GPC6: variants seen among roughly 807,000 people sequenced by gnomAD.
GPC6 encodes glypican 6, also known as glypican-6.
GPC6 carries 14 observed loss-of-function variants against 55.2 expected under a neutral mutation model. The ratio of observed to expected loss-of-function variants is 0.25; its 90% CI spans 0.17 to 0.40. The LOEUF (loss-of-function observed/expected upper bound fraction) is 0.40, where lower values mean the gene tolerates loss of function less well. Ranked by LOEUF, GPC6 falls within the 10% of genes least tolerant of loss-of-function variation. The pLI is 1.00. For synonymous variants in GPC6, 278 were observed against 259.6 expected (o/e 1.07, Z -0.68); for missense variants, 641 against 708.5 (o/e 0.90, Z 1.08).
intron 1 of GPC6, among the ~76,000 whole-genome samples, chr13:93,261,585 A>G (rs1249412013): frequency 6.6e-6 from 1 of 152,238 alleles, no homozygotes; most frequent in African/African-American, 2.4e-5. Flanking sequence ...TTTGCATGGA[A>G]TAAAAGAGAA....
At chr13:93,609,865 C>T (rs1878393322) in intron 2 of GPC6, among the ~76,000 whole-genome samples, 1 of 152,092 alleles carries the variant, frequency 6.6e-6, no homozygotes, top group Non-Finnish European at 1.5e-5. Context: ...TCTTTTTGTA[C>T]CCACTCACAA....
At chr13:94,240,040 T>C (rs867476911) in intron 4 of GPC6, among the ~76,000 whole-genome samples, 17 of 152,216 alleles carry the variant, frequency 1.1e-4, no homozygotes, top group Middle Eastern at 3.4e-3. Flanking sequence ...ACTCTAGGTA[T>C]TTGAGGGTGT....
chr13:94,049,833 A>G (rs531535630), intron 4 of GPC6, among the ~76,000 whole-genome samples: 1 of 152,148 alleles, frequency 6.6e-6, no homozygotes, highest in Non-Finnish European at 1.5e-5. Flanking sequence ...ATCTTCAACT[A>G]TAGTTCCCAT....
chr13:94,205,455 C>T (rs1054523102), intron 4 of GPC6, among the ~76,000 whole-genome samples: 1 of 152,178 alleles, frequency 6.6e-6, no homozygotes, highest in African/African-American at 2.4e-5. Context: ...GAAGCAAAAA[C>T]ACCAAGAGGC....
chr13:93,476,215 C>T (rs917780812), intron 1 of GPC6, among the ~76,000 whole-genome samples: 1 of 152,094 alleles, frequency 6.6e-6, no homozygotes, highest in African/African-American at 2.4e-5. Flanking sequence ...TCCCTCTGAA[C>T]ATTTTTATTC....
chr13:94,097,973 C>CA (rs1484794299), intron 4 of GPC6, among the ~76,000 whole-genome samples: 3 of 152,144 alleles, frequency 2.0e-5, no homozygotes, highest in South Asian at 2.1e-4. Context: ...TGCTCTCATT[C>CA]AAAAAACACT....
chr13:94,143,249 G>A (rs1343742787), intron 4 of GPC6, among the ~76,000 whole-genome samples: 1 of 152,052 alleles, frequency 6.6e-6, no homozygotes, highest in Non-Finnish European at 1.5e-5. Flanking sequence ...GTACTTTGTA[G>A]GAAGTTTAGC....
Position 93,329,302 on chromosome 13 carries a change from G to C in GPC6, c.160+101686G>C, listed in dbSNP as rs376448656. Among the ~76,000 whole-genome samples the C allele has an allele frequency of 2.6e-5, 4 of 152,144 alleles. No individual in the cohort carries two copies. The East Asian group carries it at 7.7e-4, about 29-fold the overall frequency. ...CAAACAAAATAATTTATGGCATTTA[G>C]GCAACAGCTTGTAAAAGCCAGTGAA... On this transcript the variant is annotated intron_variant, in intron 1 of 8. Transcript: ENST00000377047.
chr13:94,147,934 T>G (rs998923791), intron 4 of GPC6, among the ~76,000 whole-genome samples: 6 of 152,202 alleles, frequency 3.9e-5, no homozygotes, highest in African/African-American at 1.4e-4. Flanking sequence ...CAGTTTGATG[T>G]AAAGTTATTT....
At chr13:94,283,986 T>C (rs1892458587) in intron 4 of GPC6, among the ~76,000 whole-genome samples, 1 of 152,214 alleles carries the variant, frequency 6.6e-6, no homozygotes, top group South Asian at 2.1e-4. Context: ...TATTTTGTGT[T>C]TTCTTCACTT....
At chr13:93,699,485 A>T (rs1167545032) in intron 2 of GPC6, among the ~76,000 whole-genome samples, 1 of 152,134 alleles carries the variant, frequency 6.6e-6, no homozygotes, top group African/African-American at 2.4e-5. Flanking sequence ...GTGGTCAGTC[A>T]TACACAGAAT....
chr13:94,168,216 C>T (rs1013257065), intron 4 of GPC6, among the ~76,000 whole-genome samples: 2 of 152,186 alleles, frequency 1.3e-5, no homozygotes, highest in Non-Finnish European at 2.9e-5. Flanking sequence ...TCTATGACAA[C>T]GTCATTCTTG....
At chr13:93,893,750 G>C (rs899372535) in intron 3 of GPC6, among the ~76,000 whole-genome samples, 5 of 152,114 alleles carry the variant, frequency 3.3e-5, no homozygotes, top group African/African-American at 9.7e-5. Flanking sequence ...CACTGTCACT[G>C]GCTGTTTAAT....
At chr13:94,228,641 C>G (rs986695943) in intron 4 of GPC6, among the ~76,000 whole-genome samples, 1 of 151,878 alleles carries the variant, frequency 6.6e-6, no homozygotes, top group Non-Finnish European at 1.5e-5. Context: ...AGTAAAACAT[C>G]CTGGAAAATG....
chr13:93,540,758 G>A (rs552672522), intron 1 of GPC6, among the ~76,000 whole-genome samples: 2 of 152,092 alleles, frequency 1.3e-5, no homozygotes, highest in Non-Finnish European at 2.9e-5. Flanking sequence ...TCATCCTACA[G>A]TGGTGTAGAA....
chr13:93,802,528 G>A (rs1018586065), intron 2 of GPC6, among the ~76,000 whole-genome samples: 7 of 151,868 alleles, frequency 4.6e-5, no homozygotes, highest in Non-Finnish European at 8.8e-5. Context: ...CTCCCAAGTA[G>A]CTAGGATTAA....
At chr13:93,409,936 T>C (rs1876435238) in intron 1 of GPC6, among the ~76,000 whole-genome samples, 1 of 152,270 alleles carries the variant, frequency 6.6e-6, no homozygotes, top group African/African-American at 2.4e-5. Flanking sequence ...CTATACCTAG[T>C]TTGGTAGAAC....
intron 2 of GPC6, among the ~76,000 whole-genome samples, chr13:93,641,443 G>T (rs1305862896): frequency 1.3e-5 from 2 of 152,038 alleles, no homozygotes; most frequent in African/African-American, 4.8e-5. Context: ...AGCAACTTTT[G>T]GCAACATGCT....
At chr13:93,657,803 G>A (rs1880745465) in intron 2 of GPC6, among the ~76,000 whole-genome samples, 2 of 151,934 alleles carry the variant, frequency 1.3e-5, no homozygotes, top group Non-Finnish European at 2.9e-5. Context: ...AACATGAACA[G>A]ATGCTTCTCA....
Sources: allele counts gnomAD v4.1 joint callset (sites outside exome capture counted in the v4.1 genomes callset), GRCh38; gene constraint gnomAD v4.1.1; transcripts MANE v1.5; gene names NCBI Gene and HGNC (gene_info 2026-07-23, HGNC 2026-07-21).